DPP10: variants seen among roughly 807,000 people sequenced by gnomAD.
DPP10 encodes the protein inactive dipeptidyl peptidase 10.
In DPP10, 33 loss-of-function variants were observed where a neutral mutation model predicts 120.9. The observed-to-expected ratio is 0.27, with a 90% CI of 0.21 to 0.37. The LOEUF (loss-of-function observed/expected upper bound fraction) is 0.37, where lower values mean the gene tolerates loss of function less well. Ranked by LOEUF, DPP10 falls within the 10% of genes least tolerant of loss-of-function variation. The pLI is 1.00. For synonymous variants in DPP10, 337 were observed against 326.1 expected (o/e 1.03, Z -0.36); for missense variants, 816 against 942.8 (o/e 0.87, Z 1.76).
intron 1 of DPP10, among the ~76,000 whole-genome samples, chr2:114,836,620 A>G (rs983798918): frequency 6.6e-6 from 1 of 152,168 alleles, no homozygotes; most frequent in Admixed American, 6.5e-5. Context: ...ATTGCTAATG[A>G]AGTTTCGGGC....
At chr2:114,530,951 A>T (rs915992297) in intron 1 of DPP10, among the ~76,000 whole-genome samples, 1 of 152,146 alleles carries the variant, frequency 6.6e-6, no homozygotes, top group African/African-American at 2.4e-5. Flanking sequence ...TAATTTACTC[A>T]TGTCAATTAA....
chr2:114,483,512 C>A (rs1047713287), intron 1 of DPP10, among the ~76,000 whole-genome samples: 1 of 151,820 alleles, frequency 6.6e-6, no homozygotes, highest in Non-Finnish European at 1.5e-5. Context: ...ATCCTGAAAG[C>A]GCTTTTTGGA....
chr2:115,604,087 T>G (rs1839140), intron 5 of DPP10, among the ~76,000 whole-genome samples: 1 of 522 alleles, frequency 1.9e-3, no homozygotes. Flanking sequence ...CTGTTTTTTT[T>G]TTTTTTTTTT....
chr2:115,114,104 ACCAATACG>A (rs1196134685), intron 1 of DPP10, among the ~76,000 whole-genome samples: 1 of 152,160 alleles, frequency 6.6e-6, no homozygotes, highest in Non-Finnish European at 1.5e-5. Flanking sequence ...ACCATTGCTC[ACCAATACG>A]AACTTGCCAG....
At chr2:114,651,009 T>C (rs577795616) in intron 1 of DPP10, among the ~76,000 whole-genome samples, 3 of 152,324 alleles carry the variant, frequency 2.0e-5, no homozygotes, top group Admixed American at 2.0e-4. Flanking sequence ...TAGAGTGACA[T>C]TCAAGCTCCT....
At chr2:115,022,713 A>G (rs1042671897) in intron 1 of DPP10, among the ~76,000 whole-genome samples, 1 of 152,146 alleles carries the variant, frequency 6.6e-6, no homozygotes, top group African/African-American at 2.4e-5. Flanking sequence ...AGCAAAAAGA[A>G]CAAATCTGGA....
chr2:115,828,382 A>T (rs1688593051), intron 21 of DPP10, among the ~76,000 whole-genome samples: 1 of 151,978 alleles, frequency 6.6e-6, no homozygotes, highest in Admixed American at 6.6e-5. Context: ...GCTTCAGTTT[A>T]TTGAATTTCT....
At chr2:115,004,066 C>T (rs188398406) in intron 1 of DPP10, among the ~76,000 whole-genome samples, 71 of 152,216 alleles carry the variant, frequency 4.7e-4, no homozygotes, top group African/African-American at 1.5e-3. Flanking sequence ...CACTTCGTAT[C>T]GAAGGTATAA....
intron 2 of DPP10, 76 bp downstream of exon 2, chr2:115,309,429 G>GT (rs1318707495): frequency 1.4e-6 from 2 of 1,395,828 alleles, no homozygotes; most frequent in African/African-American, 2.9e-5. Flanking sequence ...CCTTAAGAGG[G>GT]TAGCAATATG....
At chr2:114,997,168 T>A (rs1250002604) in intron 1 of DPP10, among the ~76,000 whole-genome samples, 1 of 151,792 alleles carries the variant, frequency 6.6e-6, no homozygotes, top group Non-Finnish European at 1.5e-5. Context: ...AAATCACTTA[T>A]AAGAAACTTA....
At chr2:115,384,693 GAAAAAGAAAGAAGA>G (rs1216566133) in intron 3 of DPP10, among the ~76,000 whole-genome samples, 2 of 139,100 alleles carry the variant, frequency 1.4e-5, no homozygotes, top group African/African-American at 6.0e-5. Context: ...GGAAGAAGAA[GAAAAAGAAAGAAGA>G]AAGAAGAAGA....
intron 1 of DPP10, among the ~76,000 whole-genome samples, chr2:114,999,660 T>C (rs1038114761): frequency 6.6e-6 from 1 of 152,132 alleles, no homozygotes; most frequent in Non-Finnish European, 1.5e-5. Context: ...GAGACACCCT[T>C]GTCTGTCATC....
chr2:114,590,835 C>T (rs962313863), intron 1 of DPP10, among the ~76,000 whole-genome samples: 18 of 152,204 alleles, frequency 1.2e-4, no homozygotes, highest in African/African-American at 4.3e-4. Flanking sequence ...TACAATTTAA[C>T]TGTAATTTCA....
chr2:115,526,057 C>A, intron 5 of DPP10, 85 bp downstream of exon 5: 1 of 1,121,098 alleles, frequency 8.9e-7, no homozygotes, highest in East Asian at 2.5e-5. Flanking sequence ...TATAACTCAC[C>A]TAAGCAAAAT....
chr2:114,836,389 AAAG>A, intron 1 of DPP10, among the ~76,000 whole-genome samples: 1 of 152,330 alleles, frequency 6.6e-6, no homozygotes, highest in East Asian at 1.9e-4. Flanking sequence ...GAGAAATTTT[AAAG>A]CTGGGCTTCC....
At chr2:115,442,606 C>T (rs1277103972) in intron 3 of DPP10, among the ~76,000 whole-genome samples, 1 of 151,992 alleles carries the variant, frequency 6.6e-6, no homozygotes, top group African/African-American at 2.4e-5. Context: ...GAAAGACAGT[C>T]GAACAAGATG....
intron 1 of DPP10, among the ~76,000 whole-genome samples, chr2:115,308,531 A>T (rs995970664): frequency 1.3e-5 from 2 of 152,118 alleles, no homozygotes; most frequent in African/African-American, 4.8e-5. Context: ...AGCACAGATC[A>T]TTGGAGGAAT....
chr2:115,839,893 A>G (rs1327384963), intron 24 of DPP10, among the ~76,000 whole-genome samples: 1 of 152,138 alleles, frequency 6.6e-6, no homozygotes, highest in Non-Finnish European at 1.5e-5. Context: ...ATAAAGCAAG[A>G]GTAACCAGTA....
intron 19 of DPP10, among the ~76,000 whole-genome samples, chr2:115,799,467 G>C (rs1684916016): frequency 6.6e-6 from 1 of 151,522 alleles, no homozygotes; most frequent in African/African-American, 2.4e-5. Context: ...AAGTTTTAGG[G>C]TGCATGTGCA....
Sources: gnomAD v4.1 joint callset for allele counts (sites outside exome capture counted in the v4.1 genomes callset) on GRCh38, gnomAD v4.1.1 for gene constraint, MANE v1.5 for transcripts, NCBI Gene and HGNC (gene_info 2026-07-23, HGNC 2026-07-21) for gene names.